The following SYT9 variants were observed in gnomAD, a reference collection of about 807,000 sequenced individuals.
The protein encoded by SYT9 is synaptotagmin 9.
Under a neutral mutation model 48.4 loss-of-function variants are expected in SYT9, and 22 were observed. The observed-to-expected ratio is 0.45, with a 90% confidence interval of 0.32 to 0.65. The LOEUF is 0.65. SYT9 is among the 30% of genes least tolerant of loss of function. The probability of loss-of-function intolerance (pLI) is 0.03; values close to 1 mark genes in which losing one functional copy is unlikely to be tolerated. For missense variants in SYT9, 577 were observed against 622.0 expected (o/e 0.93, Z 0.77); for synonymous variants, 265 against 245.0 (o/e 1.08, Z -0.76).
chr11:7,413,670 T>C (rs1014055394), intron 3 of SYT9, among the ~76,000 whole-genome samples: 2 of 152,226 alleles, frequency 1.3e-5, no homozygotes, highest in African/African-American at 4.8e-5. Context: ...GTGTTCTCTC[T>C]TAGATGATCT....
intron 3 of SYT9, chr11:7,314,269 C>T: frequency 4.4e-6 from 2 of 459,190 alleles, no homozygotes; most frequent in South Asian, 3.3e-5. Context: ...GTTGTTTGTG[C>T]TGAATGGAAC....
At chr11:7,318,454 C>T (rs772206034) in intron 3 of SYT9, among the ~76,000 whole-genome samples, 9 of 152,018 alleles carry the variant, frequency 5.9e-5, no homozygotes, top group African/African-American at 1.2e-4. Flanking sequence ...GCTGGAATTA[C>T]GGGCGCCCAC....
intron 5 of SYT9, 86 bp from the exon 6 acceptor site, chr11:7,420,420 C>A: frequency 6.6e-7 from 1 of 1,508,036 alleles, no homozygotes; most frequent in South Asian, 1.2e-5. Flanking sequence ...AACCACATCC[C>A]CAATTCCTTC....
At chr11:7,254,331 C>T (rs149071736) in intron 1 of SYT9, among the ~76,000 whole-genome samples, 19 of 152,252 alleles carry the variant, frequency 1.2e-4, no homozygotes, top group African/African-American at 3.6e-4. Flanking sequence ...TGGGGGTTTT[C>T]GAGTGCAAGG....
At chr11:7,377,989 A>G (rs1354262254) in intron 3 of SYT9, among the ~76,000 whole-genome samples, 2 of 152,156 alleles carry the variant, frequency 1.3e-5, no homozygotes, top group Non-Finnish European at 2.9e-5. Flanking sequence ...TGCCTTCAGC[A>G]TCTCAGAGTG....
At chr11:7,293,153 G>A (rs1848724509) in intron 1 of SYT9, among the ~76,000 whole-genome samples, 1 of 152,152 alleles carries the variant, frequency 6.6e-6, no homozygotes, top group Non-Finnish European at 1.5e-5. Context: ...TTCTCTCAAT[G>A]CTAATTTTAG....
At chr11:7,255,410 T>A (rs1427713866) in intron 1 of SYT9, among the ~76,000 whole-genome samples, 1 of 152,148 alleles carries the variant, frequency 6.6e-6, no homozygotes, top group Admixed American at 6.5e-5. Flanking sequence ...TTACTCTGAA[T>A]GAGATAGGAA....
Position 7,313,451 on chromosome 11 carries a change from A to C in SYT9, c.554A>C (p.Gln185Pro). Residue 185 changes from glutamine (Q) to proline (P), a missense_variant, in exon 3 of 7, where the codon CAG becomes CCG. Coordinates refer to ENST00000318881, the MANE Select transcript of SYT9 (RefSeq NM_175733.4). ...TCAAACCCGGACTTCAATATCCAGCAGCTTCAAAAACAGGAACAGTTGACT... is the reference window on the plus strand; with the variant it reads ...TCAAACCCGGACTTCAATATCCAGCCGCTTCAAAAACAGGAACAGTTGACT... ...NLSNPDFNIQ[Q>P]LQKQEQLTGI... 1 of 1,614,046 alleles carries C rather than the reference A, an allele frequency of 6.2e-7. No homozygotes were observed. The highest frequency in any genetic ancestry group is 8.5e-7 in the Non-Finnish European group (1 of 1,179,982).
chr11:7,292,645 G>A (rs1589919635), intron 1 of SYT9, among the ~76,000 whole-genome samples: 2 of 152,266 alleles, frequency 1.3e-5, no homozygotes, highest in South Asian at 2.1e-4. Context: ...TTTGAGTTTC[G>A]TTTCACAGTT....
In SYT9 at chr11:7,362,146, T is replaced by A. The variant is rs181010034; in HGVS notation, c.1044+48205T>A. ...CTTTCTTTTTTATTTTATTTTATTT[T>A]TTTTTTATTTTTTTTTGAGATGGAG... On this transcript the variant is annotated intron_variant, in intron 3 of 6. Transcript: ENST00000318881. 3.2e-3 allele frequency among the ~76,000 whole-genome samples: 476 copies of A among 150,256 alleles called. 6 individuals are homozygous for A. The highest frequency in any genetic ancestry group is 0.029 in the South Asian group (140 of 4,758).
chr11:7,432,580 AAAATATATATACAT>A lies in SYT9; in HGVS notation c.1467+11947_1467+11960del, dbSNP rs1564902044. Among the ~76,000 whole-genome samples, 33 of 6,162 alleles carry A rather than the reference AAAATATATATACAT, an allele frequency of 5.4e-3. 1 individual carries two copies. Among genetic ancestry groups the A allele is most frequent in the African/African-American group, 7.5e-3 (11 of 1,460 alleles). The allele number at this position is 6,162 out of a possible 152,430, so 4.0% of individuals were successfully genotyped here. ...AAAAAAAAAAAAAAAAAAAAAAAAA[AAAATATATATACAT>A]ATATATATATATATATATATATATA... is the stretch of plus-strand genomic sequence containing the variant. On this transcript the variant is annotated intron_variant, in intron 6 of 6. Coordinates refer to ENST00000318881, the MANE Select transcript of SYT9 (RefSeq NM_175733.4).
intron 1 of SYT9, among the ~76,000 whole-genome samples, chr11:7,259,567 G>C (rs1473388391): frequency 6.6e-6 from 1 of 152,066 alleles, no homozygotes; most frequent in African/African-American, 2.4e-5. Flanking sequence ...TGAACAAAAG[G>C]TTGCTAATTT....
intron 3 of SYT9, among the ~76,000 whole-genome samples, chr11:7,319,392 T>C (rs1165555961): frequency 1.5e-5 from 1 of 65,858 alleles, no homozygotes; most frequent in African/African-American, 3.9e-5. Flanking sequence ...ATTTTGCCAT[T>C]ATAAAACTAT....
intron 3 of SYT9, among the ~76,000 whole-genome samples, chr11:7,355,595 C>A (rs1000349590): frequency 1.4e-4 from 21 of 152,312 alleles, no homozygotes; most frequent in African/African-American, 4.6e-4. Flanking sequence ...CAGTTATTGT[C>A]TGATCCATTG....
chr11:7,256,555 T>C (rs1263532506), intron 1 of SYT9, among the ~76,000 whole-genome samples: 1 of 152,192 alleles, frequency 6.6e-6, no homozygotes, highest in South Asian at 2.1e-4. Flanking sequence ...TCACATCACA[T>C]GTACTGAAAA....
chr11:7,388,428 T>C (rs1260289473), intron 3 of SYT9, among the ~76,000 whole-genome samples: 1 of 152,168 alleles, frequency 6.6e-6, no homozygotes, highest in East Asian at 1.9e-4. Flanking sequence ...TATTTTTATT[T>C]GCCTTTCAAA....
intron 3 of SYT9, among the ~76,000 whole-genome samples, chr11:7,384,690 T>A (rs1850624936): frequency 6.6e-6 from 1 of 152,226 alleles, no homozygotes; most frequent in Non-Finnish European, 1.5e-5. Flanking sequence ...CTACTTGAGC[T>A]GTGTTGTGCT....
chr11:7,391,529 G>C (rs1040192698), intron 3 of SYT9, among the ~76,000 whole-genome samples: 6 of 151,774 alleles, frequency 4.0e-5, no homozygotes, highest in African/African-American at 1.5e-4. Flanking sequence ...TCTCATTGTG[G>C]TTTTCATTTG....
Position 7,468,559 on chromosome 11 carries a change from G to A in SYT9, c.*1759G>A. On this transcript the variant is annotated 3_prime_UTR_variant, in exon 7 of 7. Coordinates refer to ENST00000318881, the MANE Select transcript of SYT9 (RefSeq NM_175733.4). ...CAGTGTTTAGAAGCAAAACATGAAG[G>A]GCTAGCGCCACCAGGATAGTTAGCA... 1 of 378,224 alleles carries A rather than the reference G, an allele frequency of 2.6e-6. No homozygotes were observed. The highest frequency in any genetic ancestry group is 4.7e-6 in the Non-Finnish European group (1 of 213,590). 23.4% of individuals were successfully genotyped at this position (378,224 alleles called of 1,614,324 possible).
Sources: allele counts gnomAD v4.1 joint callset (sites outside exome capture counted in the v4.1 genomes callset), GRCh38; gene constraint gnomAD v4.1.1; transcripts MANE v1.5; gene names NCBI Gene and HGNC (gene_info 2026-07-23, HGNC 2026-07-21).